The following VEPH1 variants were observed in gnomAD, a reference collection of about 807,000 sequenced individuals.
The protein encoded by VEPH1 is ventricular zone-expressed PH domain-containing protein homolog 1.
Under a neutral mutation model 85.2 loss-of-function variants are expected in VEPH1, and 80 were observed. That is an observed-to-expected ratio of 0.94 (90% CI 0.78 to 1.13). The LOEUF (loss-of-function observed/expected upper bound fraction) is 1.13. VEPH1 is among the 50% of genes most tolerant of loss of function. VEPH1 has a pLI of 0.00. For synonymous variants in VEPH1, 297 were observed against 348.0 expected (o/e 0.85, Z 1.63); for missense variants, 955 against 980.5 (o/e 0.97, Z 0.35).
At chr3:157,441,119 T>C (rs1236477621) in intron 4 of VEPH1, among the ~76,000 whole-genome samples, 1 of 152,210 alleles carries the variant, frequency 6.6e-6, no homozygotes, top group African/African-American at 2.4e-5. Context: ...CAAAGTTGCA[T>C]GGCTCATTAG....
rs893865031 is a variant in VEPH1, at chr3:157,320,502, A to T, written c.1736-3301T>A. On this transcript the variant is annotated intron_variant, in intron 9 of 13. Coordinates refer to ENST00000362010, the MANE Select transcript of VEPH1 (RefSeq NM_001167912.2). ...ATGTTTAGTTTATCTCAGTCATTGA[A>T]ATATTACTTATATAATTGTATAATT... 4.6e-5 allele frequency among the ~76,000 whole-genome samples: 7 copies of T among 152,270 alleles called. 1 individual carries two copies. In the South Asian group the frequency reaches 1.5e-3, roughly 32 times the overall value.
intron 5 of VEPH1, among the ~76,000 whole-genome samples, chr3:157,420,372 CACACAT>C (rs566644029): frequency 1.1e-3 from 164 of 152,214 alleles, no homozygotes; most frequent in South Asian, 8.3e-3. Context: ...TATGTACACA[CACACAT>C]ACACATACAC....
At chr3:157,450,652 C>A (rs1734899354) in intron 4 of VEPH1, among the ~76,000 whole-genome samples, 1 of 151,382 alleles carries the variant, frequency 6.6e-6, no homozygotes, top group African/African-American at 2.4e-5. Flanking sequence ...GAAATTTGTC[C>A]AAAATTACTA....
chr3:157,355,682 T>C (rs1024384591), intron 9 of VEPH1, among the ~76,000 whole-genome samples: 3 of 152,164 alleles, frequency 2.0e-5, no homozygotes, highest in African/African-American at 7.2e-5. Flanking sequence ...TAAAAAGTAG[T>C]TTTTACTTAC....
chr3:157,265,614 T>C lies in VEPH1; in HGVS notation c.2177A>G (p.Lys726Arg), dbSNP rs1203386762. 1 of 1,613,794 alleles carries C rather than the reference T, an allele frequency of 6.2e-7. No homozygotes were observed. Among genetic ancestry groups the C allele is most frequent in the South Asian group, 1.1e-5 (1 of 91,038 alleles). The change falls in exon 13 of 14, where the codon AAG becomes AGG. Residue 726 changes from lysine to arginine, a missense_variant. Physicochemically the swap from Lys to Arg is conservative, Grantham distance 26. Coordinates refer to ENST00000362010, the MANE Select transcript of VEPH1 (RefSeq NM_001167912.2). The stretch of plus-strand genomic sequence containing the variant: ...TTTGATGAACTTCCATCTGACTTGC[T>C]TCTCTTTAAGTTTTCCTTCTATGAG... ...QPLIEGKLKE[K>R]QVRWKFIKRW...
intron 2 of VEPH1, 91 bp from the exon 3 acceptor site, chr3:157,470,620 G>A: frequency 3.1e-6 from 4 of 1,279,698 alleles, no homozygotes; most frequent in Non-Finnish European, 2.2e-6. Context: ...TAGAAAATGG[G>A]TGCACCAGGC....
intron 9 of VEPH1, among the ~76,000 whole-genome samples, chr3:157,353,962 G>T (rs1351789167): frequency 6.6e-6 from 1 of 152,092 alleles, no homozygotes; most frequent in African/African-American, 2.4e-5. Context: ...GATTTTTAGG[G>T]CAGTGAAATT....
At chr3:157,411,772 GA>G (rs1377118021) in intron 6 of VEPH1, among the ~76,000 whole-genome samples, 2 of 152,202 alleles carry the variant, frequency 1.3e-5, no homozygotes, top group Non-Finnish European at 2.9e-5. Context: ...TTTGAACTGT[GA>G]AATAATTTAT....
At chr3:157,303,276 T>C (rs1719045418) in intron 11 of VEPH1, among the ~76,000 whole-genome samples, 2 of 152,242 alleles carry the variant, frequency 1.3e-5, no homozygotes, top group South Asian at 4.1e-4. Context: ...CTCATTTTCT[T>C]TAAGCATTAT....
At chr3:157,283,790 A>G (rs561917754) in intron 12 of VEPH1, among the ~76,000 whole-genome samples, 1 of 152,334 alleles carries the variant, frequency 6.6e-6, no homozygotes, top group Non-Finnish European at 1.5e-5. Flanking sequence ...AAAAATATTG[A>G]AACGTGAATA....
intron 4 of VEPH1, among the ~76,000 whole-genome samples, chr3:157,429,647 G>T (rs1456531045): frequency 2.6e-5 from 4 of 152,154 alleles, no homozygotes; most frequent in East Asian, 3.8e-4. Flanking sequence ...CTTTTAAAAG[G>T]TTGTGTTCGT....
At chr3:157,472,380 A>G (rs1419399938) in intron 2 of VEPH1, among the ~76,000 whole-genome samples, 2 of 152,212 alleles carry the variant, frequency 1.3e-5, no homozygotes, top group Non-Finnish European at 1.5e-5. Context: ...TCCTACTACC[A>G]TTTAGTGAAT....
At chr3:157,291,713 A>C (rs1717492294) in intron 11 of VEPH1, among the ~76,000 whole-genome samples, 1 of 152,230 alleles carries the variant, frequency 6.6e-6, no homozygotes, top group South Asian at 2.1e-4. Flanking sequence ...AGCTCTTACC[A>C]TGAAGACTGA....
At chr3:157,320,834 C>CA (rs1361290269) in intron 9 of VEPH1, among the ~76,000 whole-genome samples, 1 of 152,012 alleles carries the variant, frequency 6.6e-6, no homozygotes, top group Non-Finnish European at 1.5e-5. Flanking sequence ...TTCTTTGAGT[C>CA]AAAATCTTTA....
intron 11 of VEPH1, among the ~76,000 whole-genome samples, chr3:157,292,179 C>T (rs936002230): frequency 3.8e-4 from 58 of 152,282 alleles, no homozygotes; most frequent in African/African-American, 1.3e-3. Flanking sequence ...AATCTTTCCA[C>T]CTCAGCCTCC....
At chr3:157,450,048 C>CTTTTTTTTTTTTTTTTT (rs761761440) in intron 4 of VEPH1, among the ~76,000 whole-genome samples, 4 of 77,324 alleles carry the variant, frequency 5.2e-5, no homozygotes, top group African/African-American at 1.9e-4. Flanking sequence ...AGAATATTTA[C>CTTTTTTTTTTTTTTTTT]TTTTTTTTTT....
chr3:157,397,313 C>G (rs547910897), intron 6 of VEPH1, among the ~76,000 whole-genome samples: 2 of 152,184 alleles, frequency 1.3e-5, no homozygotes, highest in East Asian at 3.9e-4. Flanking sequence ...TACTGGTACT[C>G]TGCTGTTTTG....
At chr3:157,322,129 G>A (rs1047431958) in intron 9 of VEPH1, among the ~76,000 whole-genome samples, 1 of 151,958 alleles carries the variant, frequency 6.6e-6, no homozygotes, top group East Asian at 1.9e-4. Context: ...TCTCCCCTGA[G>A]CCCCTGGCAA....
At chr3:157,417,955 T>A (rs1351246878) in intron 5 of VEPH1, among the ~76,000 whole-genome samples, 1 of 152,166 alleles carries the variant, frequency 6.6e-6, no homozygotes, top group African/African-American at 2.4e-5. Context: ...CTCTTCTATT[T>A]CTACCCCTGG....
Sources: gnomAD v4.1 joint callset for allele counts (sites outside exome capture counted in the v4.1 genomes callset) on GRCh38, gnomAD v4.1.1 for gene constraint, MANE v1.5 for transcripts, NCBI Gene and HGNC (gene_info 2026-07-23, HGNC 2026-07-21) for gene names.